VPS13B: variants seen among roughly 807,000 people sequenced by gnomAD.
VPS13B encodes the protein vacuolar protein sorting 13 homolog B, also known as intermembrane lipid transfer protein VPS13B.
A neutral mutation model predicts 426.4 loss-of-function variants in VPS13B; 285 were observed. The ratio of observed to expected loss-of-function variants is 0.67; its 90% CI spans 0.61 to 0.74. The LOEUF (loss-of-function observed/expected upper bound fraction) is 0.74. VPS13B is among the 30% of genes least tolerant of loss of function. The probability of loss-of-function intolerance (pLI) is 0.00; values close to 1 mark genes in which losing one functional copy is unlikely to be tolerated. For missense variants in VPS13B, 4,537 were observed against 4,782.6 expected (o/e 0.95, Z 1.51); for synonymous variants, 1,676 against 1,676.4 (o/e 1.00, Z 0.01).
At chr8:99,271,434 CT>C (rs1371262167) in intron 17 of VPS13B, among the ~76,000 whole-genome samples, 1 of 152,098 alleles carries the variant, frequency 6.6e-6, no homozygotes, top group Non-Finnish European at 1.5e-5. Context: ...TTTAGAACTC[CT>C]TCTCAGAGGA....
At chr8:99,189,093 G>T (rs1343387456) in intron 16 of VPS13B, among the ~76,000 whole-genome samples, 1 of 151,908 alleles carries the variant, frequency 6.6e-6, no homozygotes, top group African/African-American at 2.4e-5. Flanking sequence ...TAGAGAGGGG[G>T]TTTCATCATG....
intron 39 of VPS13B, among the ~76,000 whole-genome samples, chr8:99,755,281 G>C (rs976217640): frequency 1.3e-5 from 2 of 152,096 alleles, no homozygotes; most frequent in Non-Finnish European, 2.9e-5. Flanking sequence ...GAGGCTTATT[G>C]GTTCCAGACC....
chr8:99,251,002 T>G (rs1381615583), intron 17 of VPS13B, among the ~76,000 whole-genome samples: 3 of 152,160 alleles, frequency 2.0e-5, no homozygotes, highest in Non-Finnish European at 4.4e-5. Flanking sequence ...TTATTTTATA[T>G]CCTGTGACCT....
chr8:99,194,936 C>T (rs1183132262), intron 17 of VPS13B, among the ~76,000 whole-genome samples: 2 of 152,064 alleles, frequency 1.3e-5, no homozygotes, highest in Non-Finnish European at 2.9e-5. Flanking sequence ...ACCTCCGCCT[C>T]CCAGGTACAA....
At chr8:99,459,637 A>T (rs1215722290) in intron 23 of VPS13B, among the ~76,000 whole-genome samples, 1 of 152,196 alleles carries the variant, frequency 6.6e-6, no homozygotes, top group Non-Finnish European at 1.5e-5. Context: ...TAATAATGGT[A>T]AGTATTTTTT....
chr8:99,475,785 T>G (rs1320702074), intron 24 of VPS13B, among the ~76,000 whole-genome samples: 3 of 152,234 alleles, frequency 2.0e-5, no homozygotes, highest in Non-Finnish European at 4.4e-5. Context: ...CAGAGTCACC[T>G]GGTTCCCAGT....
intron 30 of VPS13B, among the ~76,000 whole-genome samples, chr8:99,534,278 T>C (rs1823077509): frequency 6.6e-6 from 1 of 152,220 alleles, no homozygotes; most frequent in Non-Finnish European, 1.5e-5. Context: ...ATATGGTTTC[T>C]ATTTACTGCC....
At chr8:99,111,584 A>G (rs964461378) in intron 6 of VPS13B, among the ~76,000 whole-genome samples, 1 of 151,966 alleles carries the variant, frequency 6.6e-6, no homozygotes, top group Non-Finnish European at 1.5e-5. Flanking sequence ...AGGTATATTT[A>G]TACCCACAGT....
At chr8:99,302,718 A>G (rs888241200) in intron 19 of VPS13B, among the ~76,000 whole-genome samples, 3 of 152,052 alleles carry the variant, frequency 2.0e-5, no homozygotes, top group Admixed American at 6.5e-5. Context: ...CATGTTGGCC[A>G]TGCTGGTCTT....
chr8:99,501,817 C>T lies in VPS13B; in HGVS notation c.4001C>T (p.Thr1334Ile). ...LWMQWVLPKITIKLFAPDPEN... is the reference protein window; with the variant it reads ...LWMQWVLPKIIIKLFAPDPEN... The stretch of plus-strand genomic sequence containing the variant: ...ATGCAGTGGGTGCTTCCCAAAATTA[C>T]TATAAAGCTCTTTGCTCCAGATCCT... The change falls in exon 26 of 62, where the codon ACT (threonine) becomes ATT (isoleucine). Residue 1334 changes from threonine (T) to isoleucine (I), a missense_variant. This residue lies in a region of VPS13B where 4,311 missense variants were observed against 4,474.3 expected (regional missense o/e 0.96). Transcript: ENST00000357162. 2 of 1,614,006 alleles carry T rather than the reference C, an allele frequency of 1.2e-6. No homozygotes were observed. The highest frequency in any genetic ancestry group is 1.7e-6 in the Non-Finnish European group (2 of 1,179,988).
chr8:99,309,666 C>T (rs924268491), intron 19 of VPS13B, among the ~76,000 whole-genome samples: 3 of 152,084 alleles, frequency 2.0e-5, no homozygotes, highest in African/African-American at 4.8e-5. Context: ...GCAATGCGGG[C>T]CCTTTTTTGG....
chr8:99,591,164 CTTTTTTTTTTTTT>C (rs376201526), intron 33 of VPS13B, among the ~76,000 whole-genome samples: 1 of 96,524 alleles, frequency 1.0e-5, no homozygotes, highest in Non-Finnish European at 2.0e-5. Context: ...GCAACCGCTC[CTTTTTTTTTTTTT>C]TTTTTTTGCT....
Position 99,052,845 on chromosome 8 carries a change from G to A in VPS13B, c.291+14279G>A, listed in dbSNP as rs548798909. On this transcript the variant is annotated intron_variant, in intron 3 of 61. Transcript: ENST00000357162. ...GAGATGTTTGTAGTATTCTCTGATG[G>A]TAGTTTGTATTTCTGTGGGATTGGT... is the stretch of plus-strand genomic sequence containing the variant. Among the ~76,000 whole-genome samples the A allele has an allele frequency of 2.4e-4, 36 of 152,246 alleles. No homozygotes were observed. The South Asian group carries it at 3.3e-3, about 14-fold the overall frequency.
chr8:99,570,340 A>C (rs1825410436), intron 31 of VPS13B, among the ~76,000 whole-genome samples: 1 of 151,866 alleles, frequency 6.6e-6, no homozygotes, highest in Non-Finnish European at 1.5e-5. Context: ...TGTTGGACTC[A>C]TCTCTCCATG....
intron 21 of VPS13B, among the ~76,000 whole-genome samples, chr8:99,427,942 T>C (rs1816822735): frequency 6.6e-6 from 1 of 151,954 alleles, no homozygotes; most frequent in Non-Finnish European, 1.5e-5. Flanking sequence ...AACAGAGATA[T>C]AGAGCAATGG....
chr8:99,492,255 A>T (rs1360880391), intron 25 of VPS13B, among the ~76,000 whole-genome samples: 1 of 152,196 alleles, frequency 6.6e-6, no homozygotes, highest in Non-Finnish European at 1.5e-5. Flanking sequence ...CCAGAGGGGC[A>T]TCCGCCTGTA....
At chr8:99,344,226 T>G (rs917508542) in intron 19 of VPS13B, among the ~76,000 whole-genome samples, 2 of 152,174 alleles carry the variant, frequency 1.3e-5, no homozygotes, top group African/African-American at 4.8e-5. Flanking sequence ...GTCTCTTCAT[T>G]AAATGTTGGA....
At chr8:99,706,682 G>A (rs529555009) in intron 36 of VPS13B, among the ~76,000 whole-genome samples, 1 of 152,226 alleles carries the variant, frequency 6.6e-6, no homozygotes, top group African/African-American at 2.4e-5. Flanking sequence ...TTAGAATTGT[G>A]TGCCATTACA....
chr8:99,188,868 T>A (rs1813378904), intron 16 of VPS13B, among the ~76,000 whole-genome samples: 1 of 152,344 alleles, frequency 6.6e-6, no homozygotes, highest in East Asian at 1.9e-4. Flanking sequence ...GTATATCTTC[T>A]TTGTCAAGTG....
Sources: gnomAD v4.1 joint callset for allele counts (sites outside exome capture counted in the v4.1 genomes callset) on GRCh38, gnomAD v4.1.1 for gene constraint, gnomAD v4.1.1 regional missense constraint, MANE v1.5 for transcripts, NCBI Gene and HGNC (gene_info 2026-07-23, HGNC 2026-07-21) for gene names.